Variants in ZNF346 observed in about 807,000 individuals in gnomAD.
ZNF346 encodes double-stranded RNA-binding zinc finger protein JAZ.
Under a neutral mutation model 33.7 loss-of-function variants are expected in ZNF346, and 23 were observed. The ratio of observed to expected loss-of-function variants is 0.68; its 90% CI spans 0.49 to 0.97. The LOEUF (loss-of-function observed/expected upper bound fraction) is 0.97, where lower values mean the gene tolerates loss of function less well. Among genes scored for constraint, ZNF346 ranks in the 50% least tolerant of loss-of-function variants. ZNF346 has a pLI of 0.00. For missense variants in ZNF346, 340 were observed against 371.1 expected (o/e 0.92, Z 0.69); for synonymous variants, 134 against 142.4 (o/e 0.94, Z 0.42).
rs1382168487 is a variant in ZNF346, at chr5:177,065,857, G to GGTGT, written c.*1258_*1259insGTGT. 1.7e-5 allele frequency: 2 copies of GGTGT among 116,112 alleles called. No individual in the cohort carries two copies. Among genetic ancestry groups the GGTGT allele is most frequent in the African/African-American group, 8.2e-5 (2 of 24,490 alleles). 7.2% of individuals were successfully genotyped at this position (116,112 alleles called of 1,614,324 possible). A position where few individuals can be genotyped will look rare whatever the true frequency, so the allele number is the denominator to read the frequency against. ...GCCTTTGCTTTGCATATTGTGTGTG[G>GGTGT]ATGTGTGTGTGTGTGTGTGTGTGTT... On this transcript the variant is annotated 3_prime_UTR_variant, in exon 7 of 7. Coordinates refer to ENST00000358149, the MANE Select transcript of ZNF346 (RefSeq NM_012279.4).
At chr5:177,025,553 C>A (rs1776637971) in intron 1 of ZNF346, among the ~76,000 whole-genome samples, 1 of 152,184 alleles carries the variant, frequency 6.6e-6, no homozygotes, top group South Asian at 2.1e-4. Flanking sequence ...ATAACCTTGA[C>A]AACACTTGTC....
chr5:177,046,990 T>C (rs777928375), intron 4 of ZNF346, among the ~76,000 whole-genome samples: 6 of 151,986 alleles, frequency 3.9e-5, no homozygotes, highest in African/African-American at 1.2e-4. Flanking sequence ...TATGCACATA[T>C]GGATTACACG....
intron 8 of ZNF346, among the ~76,000 whole-genome samples, chr5:177,074,706 C>T (rs780665079): frequency 6.6e-6 from 1 of 152,104 alleles, no homozygotes; most frequent in Non-Finnish European, 1.5e-5. Flanking sequence ...TGAAAACGTT[C>T]GCTGAGAGCC....
chr5:177,041,290 C>G, intron 2 of ZNF346, 61 bp downstream of exon 2: 1 of 1,375,782 alleles, frequency 7.3e-7, no homozygotes, highest in East Asian at 2.3e-5. Context: ...ACCACTAATT[C>G]TCTCTGGCTT....
At chr5:177,069,245 T>G (rs1581980052), downstream of ZNF346, among the ~76,000 whole-genome samples, 1 of 118,968 alleles carries the variant, frequency 8.4e-6, no homozygotes, top group Non-Finnish European at 1.6e-5. Flanking sequence ...TCACTTGAGG[T>G]CAGGAGTTCC....
At chr5:177,035,770 G>T (rs1369742751) in intron 1 of ZNF346, among the ~76,000 whole-genome samples, 1 of 28,744 alleles carries the variant, frequency 3.5e-5, no homozygotes, top group East Asian at 8.6e-3. Flanking sequence ...CAAGTAGCTG[G>T]GACACAGGCA....
At chr5:177,055,461 A>G (rs1190228303) in intron 5 of ZNF346, among the ~76,000 whole-genome samples, 3 of 152,186 alleles carry the variant, frequency 2.0e-5, no homozygotes, top group Non-Finnish European at 4.4e-5. Flanking sequence ...TTGGTAATAA[A>G]GGGGTAATGT....
chr5:177,049,787 T>TG (rs1780607964), intron 4 of ZNF346, among the ~76,000 whole-genome samples: 1 of 152,130 alleles, frequency 6.6e-6, no homozygotes. Context: ...CCTACCTCAT[T>TG]GGGGTAGTTC....
At position 177,039,590 on chromosome 5, in the gene ZNF346, A is replaced by G. The variant is rs146238679; in HGVS notation, c.176-1536A>G. 2.2e-4 allele frequency among the ~76,000 whole-genome samples: 33 copies of G among 151,778 alleles called. No individual in the cohort carries two copies. The East Asian group carries it at 5.5e-3, about 25-fold the overall frequency. On this transcript the variant is annotated intron_variant, in intron 1 of 6. Transcript: ENST00000358149. ...TCTGTCTCAGCCTTAGCCTCCCATG[A>G]AGCTGGAACCACAGGCATGTGCCAC...
chr5:177,066,561 A>G lies in ZNF346; in HGVS notation c.*1962A>G, dbSNP rs753413200. 1.3e-5 allele frequency among the ~76,000 whole-genome samples: 2 copies of G among 152,058 alleles called. No homozygotes were observed. Among genetic ancestry groups the G allele is most frequent in the Admixed American group, 1.3e-4 (2 of 15,240 alleles). ...TTGAAAGAGCATTTTTCATGACTCA[A>G]AAATGAGCTGAGAAGGAGTGTTATG... On this transcript the variant is annotated 3_prime_UTR_variant, in exon 7 of 7. Coordinates refer to ENST00000358149, the MANE Select transcript of ZNF346 (RefSeq NM_012279.4).
chr5:177,058,544 T>C (rs1210084479), intron 5 of ZNF346, among the ~76,000 whole-genome samples: 8 of 152,160 alleles, frequency 5.3e-5, no homozygotes, highest in Admixed American at 2.6e-4. Flanking sequence ...TAGGAATATA[T>C]ACATTATAAT....
At chr5:177,031,136 C>G (rs999163872) in intron 1 of ZNF346, among the ~76,000 whole-genome samples, 1 of 152,052 alleles carries the variant, frequency 6.6e-6, no homozygotes, top group Non-Finnish European at 1.5e-5. Context: ...CCTGGGTTCA[C>G]GCCATTCTCC....
rs1385407982 is a variant in ZNF346 at position 177,044,399 on chromosome 5, G to A, written c.383G>A (p.Arg128Lys). The A allele has an allele frequency of 3.1e-6, 5 of 1,614,090 alleles. No homozygotes were observed. The South Asian group carries it at 5.5e-5, about 18-fold the overall frequency. The part of the protein sequence containing the change: ...KKLDSDQKSS[R>K]SKDKNQCCPI... ...CTTTCTTCCAACCAGAAGAGCAGCA[G>A]AAGCAAAGACAAGAACCAGTGCTGC... The change falls in exon 4 of 7, where the codon AGA becomes AAA. Residue 128 changes from arginine (R) to lysine (K), a missense_variant. Arg to Lys is a conservative substitution (Grantham distance 26, BLOSUM62 2). Coordinates refer to ENST00000358149, the MANE Select transcript of ZNF346 (RefSeq NM_012279.4).
At chr5:177,044,350 C>T (rs756106013) in intron 3 of ZNF346, 39 bp from the exon 4 acceptor site, 2 of 1,611,224 alleles carry the variant, frequency 1.2e-6, no homozygotes, top group Non-Finnish European at 1.7e-6. Flanking sequence ...TCTGGTGGGG[C>T]AGTGGTATGA....
Position 177,077,013 on chromosome 5 carries a change from C to T in ZNF346, c.*3-2369C>T, listed in dbSNP as rs1026014229. Among the ~76,000 whole-genome samples, 1 of 152,178 alleles carries T rather than the reference C, an allele frequency of 6.6e-6. No homozygotes were observed. Among genetic ancestry groups the T allele is most frequent in the Admixed American group, 6.5e-5 (1 of 15,274 alleles). On this transcript the variant is annotated intron_variant, in intron 8 of 8. Coordinates refer to the ZNF346 transcript ENST00000503039. The surrounding 1 kb of genome is among the most constrained non-coding windows in gnomAD (Gnocchi z 5.0). ...CCGAGATCACGCCACTGTACTCCAGCTTGGGCGACAGAGCGAGACTCTCAA... is the reference window on the plus strand; with the variant it reads ...CCGAGATCACGCCACTGTACTCCAGTTTGGGCGACAGAGCGAGACTCTCAA...
At chr5:177,046,921 T>C (rs985219339) in intron 4 of ZNF346, among the ~76,000 whole-genome samples, 3 of 145,236 alleles carry the variant, frequency 2.1e-5, no homozygotes, top group African/African-American at 8.5e-5. Context: ...AAATATCACC[T>C]AAATCCTACA....
intron 5 of ZNF346, among the ~76,000 whole-genome samples, chr5:177,059,427 A>G (rs749046137): frequency 3.9e-5 from 6 of 152,314 alleles, no homozygotes; most frequent in South Asian, 4.1e-4. Context: ...AGGGTATCCA[A>G]ATCCCACCAG....
chr5:177,056,804 T>C (rs929208793), intron 5 of ZNF346, among the ~76,000 whole-genome samples: 76 of 151,510 alleles, frequency 5.0e-4, no homozygotes, highest in Non-Finnish European at 8.0e-4. Context: ...TTAGGAGATA[T>C]ACCTAATGTA....
chr5:177,078,443 G>A (rs1783852915), intron 8 of ZNF346, among the ~76,000 whole-genome samples: 1 of 152,216 alleles, frequency 6.6e-6, no homozygotes, highest in Non-Finnish European at 1.5e-5. Context: ...CTGAATGTCA[G>A]GCTGAGGAGC....
Sources: allele counts gnomAD v4.1 joint callset (sites outside exome capture counted in the v4.1 genomes callset), GRCh38; gene constraint gnomAD v4.1.1; non-coding constraint Gnocchi (gnomAD v3.1); transcripts MANE v1.5; gene names NCBI Gene and HGNC (gene_info 2026-07-23, HGNC 2026-07-21).